Variants in TTC7A observed in about 807,000 individuals in gnomAD.
The protein encoded by TTC7A is tetratricopeptide repeat protein 7A.
In TTC7A, 110 loss-of-function variants were observed where a neutral mutation model predicts 103.7. The observed-to-expected ratio is 1.06, with a 90% confidence interval of 0.91 to 1.24. TTC7A has a LOEUF of 1.24. Ranked by LOEUF, TTC7A falls within the 50% of genes most tolerant of loss-of-function variation. The pLI, the probability that TTC7A is intolerant of heterozygous loss-of-function variation, is 0.00. For synonymous variants in TTC7A, 521 were observed against 467.9 expected, an observed-to-expected ratio of 1.11 and a Z score of -1.47; for missense variants, 1,340 against 1,116.3, an observed-to-expected ratio of 1.20 and a Z score of -2.86.
intron 4 of TTC7A, among the ~76,000 whole-genome samples, chr2:46,976,028 C>A (rs1477891492): frequency 6.6e-6 from 1 of 152,200 alleles, no homozygotes; most frequent in Non-Finnish European, 1.5e-5. Context: ...CGTGCCCAGC[C>A]TCCATTTTAT....
intron 3 of TTC7A, among the ~76,000 whole-genome samples, chr2:46,966,591 CT>C (rs11336534): frequency 0.53 from 77,301 of 145,222 alleles, 21,587 homozygotes; most frequent in East Asian, 0.65. Flanking sequence ...TATGCTAAAT[CT>C]TTTTTTTTTT....
chr2:46,941,479 A>G lies in TTC7A; in HGVS notation c.-63A>G. The G allele has an allele frequency of 4.6e-6, 7 of 1,516,076 alleles. No individual in the cohort carries two copies. Among genetic ancestry groups the G allele is most frequent in the Non-Finnish European group, 6.2e-6 (7 of 1,129,664 alleles). 93.9% of individuals were successfully genotyped at this position (1,516,076 alleles called of 1,614,324 possible). A position where few individuals can be genotyped will look rare whatever the true frequency, so the allele number is the denominator to read the frequency against. On this transcript the variant is annotated 5_prime_UTR_variant, in exon 1 of 20. Coordinates refer to ENST00000319190, the MANE Select transcript of TTC7A (RefSeq NM_020458.4). This position sits in a 1 kb window ranked among gnomAD's most constrained non-coding sequence, Gnocchi z 4.2. The stretch of plus-strand genomic sequence containing the variant: ...CGCCCGCGAGTGCGCCCCAGCCAGG[A>G]CGCCGCCCCCGGCCGGGTCTCCACT...
chr2:47,001,063 A>C (rs1365555355), intron 8 of TTC7A, among the ~76,000 whole-genome samples: 1 of 152,144 alleles, frequency 6.6e-6, no homozygotes, highest in Non-Finnish European at 1.5e-5. Context: ...TGCATTGGAA[A>C]GCTTACCTGG....
intron 2 of TTC7A, among the ~76,000 whole-genome samples, chr2:46,923,102 C>T (rs931150002): frequency 2.6e-5 from 4 of 152,226 alleles, no homozygotes; most frequent in African/African-American, 9.6e-5. Context: ...GAGTGCACCA[C>T]CCTCCTGGCC....
Position 47,028,981 on chromosome 2 carries a change from G to A in TTC7A, c.1642-243G>A, listed in dbSNP as rs576346926. Among the ~76,000 whole-genome samples the A allele has an allele frequency of 1.6e-4, 25 of 152,300 alleles. No homozygotes were observed. In the South Asian group the frequency reaches 4.6e-3, roughly 28 times the overall value. On this transcript the variant is annotated intron_variant, in intron 14 of 19. Transcript: ENST00000319190. ...TCCTCCCATTTAGGAAGTGCTTCCT[G>A]GTGGCTGCCATGGTCCTTTGTGCCA...
intron 19 of TTC7A, among the ~76,000 whole-genome samples, chr2:47,072,970 T>A (rs140219441): frequency 6.6e-6 from 1 of 152,294 alleles, no homozygotes; most frequent in Non-Finnish European, 1.5e-5. Flanking sequence ...CAGGGTTGTT[T>A]GAGCCAAACA....
At chr2:46,935,679 C>T (rs1297091395) in intron 2 of TTC7A, among the ~76,000 whole-genome samples, 3 of 152,166 alleles carry the variant, frequency 2.0e-5, no homozygotes, top group Non-Finnish European at 2.9e-5. Flanking sequence ...AGTCCAAGAC[C>T]CCTGACTCGG....
chr2:47,043,611 G>C (rs968322537), intron 15 of TTC7A, among the ~76,000 whole-genome samples: 15 of 152,158 alleles, frequency 9.9e-5, no homozygotes, highest in Admixed American at 6.5e-5. Context: ...CACAGGTCAG[G>C]GTTCTTTGTG....
chr2:47,061,051 C>T (rs1029729377), intron 19 of TTC7A, 80 bp downstream of exon 19: 10 of 1,389,550 alleles, frequency 7.2e-6, no homozygotes, highest in Middle Eastern at 2.5e-4. Context: ...CTCCTTGTCC[C>T]CATACTCCAC....
upstream of TTC7A, chr2:46,941,145 TCCCCA>T (rs1298396493): frequency 1.4e-5 from 2 of 146,334 alleles, no homozygotes; most frequent in Non-Finnish European, 3.0e-5. This position sits in a 1 kb window ranked among gnomAD's most constrained non-coding sequence, Gnocchi z 4.2. Context: ...CGCCGAGGCC[TCCCCA>T]CGCCCCCGCG....
intron 8 of TTC7A, among the ~76,000 whole-genome samples, chr2:47,004,993 G>A (rs1558565244): frequency 6.6e-6 from 1 of 152,166 alleles, no homozygotes; most frequent in African/African-American, 2.4e-5. Flanking sequence ...CTGGCTTGGT[G>A]ATGAGGAGCT....
chr2:47,026,369 A>G (rs1474136819), intron 14 of TTC7A, among the ~76,000 whole-genome samples: 1 of 152,160 alleles, frequency 6.6e-6, no homozygotes, highest in Non-Finnish European at 1.5e-5. Context: ...TCCTCCTCGT[A>G]TGCTCCTTGA....
intron 2 of TTC7A, among the ~76,000 whole-genome samples, chr2:46,918,419 C>T (rs1289748677): frequency 6.6e-6 from 1 of 152,206 alleles, no homozygotes; most frequent in Non-Finnish European, 1.5e-5. Context: ...GAGAGAGCTT[C>T]CTAACTGACC....
At chr2:47,062,624 T>C (rs58098113) in intron 19 of TTC7A, among the ~76,000 whole-genome samples, 1,801 of 152,364 alleles carry the variant, frequency 0.012, 32 homozygotes, top group African/African-American at 0.04. Flanking sequence ...TGCCTTCCAC[T>C]GTGTTCACGG....
chr2:47,062,622 A>C (rs1285565054), intron 19 of TTC7A, among the ~76,000 whole-genome samples: 2 of 152,252 alleles, frequency 1.3e-5, no homozygotes, highest in Non-Finnish European at 2.9e-5. Context: ...TCTGCCTTCC[A>C]CTGTGTTCAC....
chr2:47,005,231 GGA>G (rs1491289208), intron 8 of TTC7A, among the ~76,000 whole-genome samples: 2 of 152,098 alleles, frequency 1.3e-5, no homozygotes, highest in African/African-American at 4.8e-5. Context: ...AGAGAGGAAG[GGA>G]GGGGGGGGCT....
intron 7 of TTC7A, 59 bp downstream of exon 7, chr2:46,994,573 C>T: frequency 1.3e-6 from 2 of 1,562,284 alleles, no homozygotes; most frequent in Admixed American, 3.4e-5. Flanking sequence ...AGGGTTCTGT[C>T]CCCACTGGTG....
chr2:47,033,152 C>T (rs1216178693), intron 15 of TTC7A, among the ~76,000 whole-genome samples: 2 of 152,250 alleles, frequency 1.3e-5, no homozygotes, highest in African/African-American at 4.8e-5. Flanking sequence ...CCTGCTTCCT[C>T]AGCTGCTCTG....
chr2:46,938,293 A>G (rs574992269), upstream of TTC7A, among the ~76,000 whole-genome samples: 8 of 152,344 alleles, frequency 5.3e-5, no homozygotes, highest in Admixed American at 5.2e-4. Context: ...AACTTGATGG[A>G]TATAGGAACA....
Sources: gnomAD v4.1 joint callset for allele counts (sites outside exome capture counted in the v4.1 genomes callset) on GRCh38, gnomAD v4.1.1 for gene constraint, Gnocchi (gnomAD v3.1) non-coding constraint, MANE v1.5 for transcripts, NCBI Gene and HGNC (gene_info 2026-07-23, HGNC 2026-07-21) for gene names.